The following SVIL variants were observed in gnomAD, a reference collection of about 807,000 sequenced individuals.
SVIL encodes supervillin.
Under a neutral mutation model 240.4 loss-of-function variants are expected in SVIL, and 101 were observed. The ratio of observed to expected loss-of-function variants is 0.42; its 90% CI spans 0.36 to 0.50. The LOEUF (loss-of-function observed/expected upper bound fraction) is 0.50. Among genes scored for constraint, SVIL ranks in the 20% least tolerant of loss-of-function variants. The pLI, the probability that SVIL is intolerant of heterozygous loss-of-function variation, is 0.01. For synonymous variants in SVIL, 999 were observed against 1,100.0 expected (o/e 0.91, Z 1.82); for missense variants, 2,512 against 2,818.7 (o/e 0.89, Z 2.46).
At chr10:29,482,163 G>C (rs1406433574) in intron 27 of SVIL, among the ~76,000 whole-genome samples, 3 of 151,948 alleles carry the variant, frequency 2.0e-5, no homozygotes, top group African/African-American at 7.2e-5. Context: ...CAGATAGCTG[G>C]AACTGCAGGT....
At position 29,491,014 on chromosome 10, in the gene SVIL, G is replaced by A. The variant is rs746330670; in HGVS notation, c.4025C>T (p.Thr1342Met). 6 of 1,613,434 alleles carry A rather than the reference G, an allele frequency of 3.7e-6. No individual in the cohort carries two copies. Among genetic ancestry groups the A allele is most frequent in the East Asian group, 2.2e-5 (1 of 44,870 alleles). Residue 1342 changes from threonine (T) to methionine (M), a missense_variant, in exon 22 of 38, where the codon ACG becomes ATG. Physicochemically the swap from Thr to Met is moderately conservative, Grantham distance 81 (BLOSUM62 -1). Transcript: ENST00000355867. Reference sequence around the variant, plus strand: ...CCGCTTGTGCTCGGCCACGGAAGACGTCAATCTGCGGATGGAAGCAGAGCC... The same window carrying A: ...CCGCTTGTGCTCGGCCACGGAAGACATCAATCTGCGGATGGAAGCAGAGCC... The part of the protein sequence containing the change: ...VIFDPYAPKL[T>M]SSVAEHKRAV...
intron 1 of SVIL, among the ~76,000 whole-genome samples, chr10:29,595,172 C>G (rs1158439671): frequency 6.6e-6 from 1 of 152,166 alleles, no homozygotes; most frequent in African/African-American, 2.4e-5. Context: ...GTTCTGCGGG[C>G]ATGGAAGGAA....
intron 1 of SVIL, among the ~76,000 whole-genome samples, chr10:29,578,178 A>G (rs12255867): frequency 0.16 from 24,868 of 152,164 alleles, 2,850 homozygotes; most frequent in African/African-American, 0.31. Context: ...AATGACAGGA[A>G]ATAAACCAAG....
chr10:29,693,185 C>T (rs1177185631), intron 1 of SVIL, among the ~76,000 whole-genome samples: 2 of 151,940 alleles, frequency 1.3e-5, no homozygotes, highest in Non-Finnish European at 2.9e-5. Context: ...AACTGAGACT[C>T]AGAACAGCTA....
At chr10:29,680,782 AGT>A (rs1960579894) in intron 2 of SVIL, among the ~76,000 whole-genome samples, 1 of 152,034 alleles carries the variant, frequency 6.6e-6, no homozygotes, top group South Asian at 2.1e-4. Flanking sequence ...AGCTGGGCGT[AGT>A]GGTGTGTGCC....
At chr10:29,580,914 C>G (rs1454601396) in intron 1 of SVIL, among the ~76,000 whole-genome samples, 1 of 152,184 alleles carries the variant, frequency 6.6e-6, no homozygotes, top group East Asian at 1.9e-4. Flanking sequence ...TCCCGAAGTG[C>G]TGGGATTACA....
chr10:29,641,510 A>G (rs183195344), intron 3 of SVIL, among the ~76,000 whole-genome samples: 1 of 152,190 alleles, frequency 6.6e-6, no homozygotes, highest in East Asian at 1.9e-4. Flanking sequence ...AGAGGTTTCA[A>G]TGAGCCGAGA....
chr10:29,590,664 G>A (rs1389264621), intron 1 of SVIL, among the ~76,000 whole-genome samples: 1 of 152,048 alleles, frequency 6.6e-6, no homozygotes, highest in African/African-American at 2.4e-5. Context: ...ACATTATCAG[G>A]CTGTATTTAT....
At chr10:29,503,041 A>G (rs1949023714) in intron 17 of SVIL, among the ~76,000 whole-genome samples, 1 of 152,226 alleles carries the variant, frequency 6.6e-6, no homozygotes, top group Admixed American at 6.5e-5. Context: ...AATTTTTTTT[A>G]TCTTATTCAC....
chr10:29,554,701 T>A lies in SVIL; in HGVS notation c.160+82A>T, dbSNP rs74129710. On this transcript the variant is annotated intron_variant, in intron 5 of 37. Coordinates refer to ENST00000355867, the MANE Select transcript of SVIL (RefSeq NM_021738.3). ...TTCACTTCTGTGGAATATCTCATGT[T>A]CTGATACCACTGGGTGGAAAGGGCA... 7.6e-4 allele frequency: 1,087 copies of A among 1,421,336 alleles called. 5 individuals are homozygous for A. In the African/African-American group the frequency reaches 0.011, roughly 15 times the overall value. 88.0% of individuals were successfully genotyped at this position (1,421,336 alleles called of 1,614,324 possible).
intron 3 of SVIL, among the ~76,000 whole-genome samples, chr10:29,558,146 A>G (rs1954109385): frequency 6.6e-6 from 1 of 152,204 alleles, no homozygotes; most frequent in South Asian, 2.1e-4. Flanking sequence ...TAGGTTACAC[A>G]GTACAGACGC....
At chr10:29,577,903 T>G (rs1417955830) in intron 1 of SVIL, among the ~76,000 whole-genome samples, 1 of 152,124 alleles carries the variant, frequency 6.6e-6, no homozygotes, top group African/African-American at 2.4e-5. Flanking sequence ...AAAACATCGA[T>G]GAAAGAAATT....
At chr10:29,546,387 A>C (rs974577261) in intron 6 of SVIL, among the ~76,000 whole-genome samples, 1 of 152,250 alleles carries the variant, frequency 6.6e-6, no homozygotes, top group Non-Finnish European at 1.5e-5. Context: ...CTTCAGAGCA[A>C]TGTGTCCAAC....
At chr10:29,573,012 A>T (rs2132733138) in intron 1 of SVIL, among the ~76,000 whole-genome samples, 1 of 151,750 alleles carries the variant, frequency 6.6e-6, no homozygotes, top group Non-Finnish European at 1.5e-5. Flanking sequence ...GTCTATTCTA[A>T]TTTTTTTTCA....
At chr10:29,597,947 C>T (rs1198025052) in intron 1 of SVIL, among the ~76,000 whole-genome samples, 1 of 151,972 alleles carries the variant, frequency 6.6e-6, no homozygotes, top group African/African-American at 2.4e-5. Context: ...CAGCTTTGTG[C>T]CCTTATGTTT....
intron 6 of SVIL, among the ~76,000 whole-genome samples, chr10:29,549,633 C>T (rs1282398798): frequency 3.4e-5 from 5 of 145,386 alleles, no homozygotes; most frequent in Non-Finnish European, 6.1e-5. Flanking sequence ...AAATGTCCAA[C>T]AATGATAGAC....
At chr10:29,686,242 T>C (rs79727664) in intron 2 of SVIL, among the ~76,000 whole-genome samples, 1 of 152,194 alleles carries the variant, frequency 6.6e-6, no homozygotes. Context: ...AATTCTTTCA[T>C]AATCCCTATA....
chr10:29,628,875 C>T (rs1957976496), intron 1 of SVIL, among the ~76,000 whole-genome samples: 1 of 152,088 alleles, frequency 6.6e-6, no homozygotes, highest in African/African-American at 2.4e-5. Flanking sequence ...TAAAATAAGG[C>T]CGCCAGGAGA....
At chr10:29,575,364 A>C (rs1955645361) in intron 1 of SVIL, 1 of 216,870 alleles carries the variant, frequency 4.6e-6, no homozygotes, top group South Asian at 8.4e-5. Flanking sequence ...TAAGCTTAGT[A>C]GGATTACACT....
Sources: allele counts gnomAD v4.1 joint callset (sites outside exome capture counted in the v4.1 genomes callset), GRCh38; gene constraint gnomAD v4.1.1; transcripts MANE v1.5; gene names NCBI Gene and HGNC (gene_info 2026-07-23, HGNC 2026-07-21).